Variants in EPB42 observed in about 807,000 individuals in gnomAD.
The protein encoded by EPB42 is protein 4.2.
A neutral mutation model predicts 76.9 loss-of-function variants in EPB42; 49 were observed. The ratio of observed to expected loss-of-function variants is 0.64; its 90% CI spans 0.51 to 0.81. The LOEUF (loss-of-function observed/expected upper bound fraction) is 0.81, where lower values mean the gene tolerates loss of function less well. Ranked by LOEUF, EPB42 falls within the 30% of genes least tolerant of loss-of-function variation. EPB42 has a pLI of 0.00. For synonymous variants in EPB42, 310 were observed against 338.4 expected (o/e 0.92, Z 0.92); for missense variants, 731 against 867.6 (o/e 0.84, Z 1.98).
intron 12 of EPB42, among the ~76,000 whole-genome samples, chr15:43,198,969 C>CCCA (rs1372431144): frequency 5.3e-5 from 8 of 152,352 alleles, no homozygotes; most frequent in African/African-American, 1.9e-4. Flanking sequence ...AAGTCAAGAA[C>CCCA]TGAGGTTTGG....
chr15:43,216,209 G>A (rs1207548449), intron 2 of EPB42, 59 bp downstream of exon 2: 1 of 1,597,416 alleles, frequency 6.3e-7, no homozygotes, highest in East Asian at 2.2e-5. Context: ...CAGGGTGCTG[G>A]AGAGAACAGA....
intron 11 of EPB42, 128 bp from the exon 12 acceptor site, chr15:43,202,105 G>C: frequency 1.6e-6 from 2 of 1,288,456 alleles, no homozygotes; most frequent in South Asian, 1.2e-5. Context: ...AAACTTCACA[G>C]CTGATGTCTT....
intron 12 of EPB42, among the ~76,000 whole-genome samples, chr15:43,200,976 G>A (rs1160078149): frequency 3.3e-5 from 5 of 152,064 alleles, no homozygotes; most frequent in South Asian, 2.1e-4. Context: ...CACTGTGCCC[G>A]GCTAATTTTT....
At position 43,211,470 on chromosome 15, in the gene EPB42, G is replaced by A. The variant is rs2042295138; in HGVS notation, c.495C>T (p.Leu165=). The A allele has an allele frequency of 6.2e-7, 1 of 1,614,038 alleles. No individual in the cohort carries two copies. The highest frequency in any genetic ancestry group is 1.1e-5 in the South Asian group (1 of 91,084). ...RMEYLLNQNG[L]IYLGTADCIQ... ...TGCAGTCAGCTGTACCCAGGTAGAT[G>A]AGACCATTCTGGTTCAACAAGTACT... Residue 165 remains leucine (L), a synonymous_variant, in exon 4 of 13, where the codon CTC becomes CTT. Coordinates refer to ENST00000441366, the MANE Select transcript of EPB42 (RefSeq NM_001114134.2).
intron 12 of EPB42, among the ~76,000 whole-genome samples, chr15:43,197,792 C>T (rs926573930): frequency 7.2e-5 from 11 of 152,018 alleles, no homozygotes; most frequent in Admixed American, 3.3e-4. Flanking sequence ...TGGCTGTGTC[C>T]CCACCCAAAT....
chr15:43,213,868 G>A (rs964018065), intron 3 of EPB42, among the ~76,000 whole-genome samples: 1 of 152,196 alleles, frequency 6.6e-6, no homozygotes, highest in African/African-American at 2.4e-5. Flanking sequence ...CGGGGAGAAC[G>A]CTGCCCTGGA....
intron 3 of EPB42, among the ~76,000 whole-genome samples, chr15:43,214,857 C>A (rs1466501105): frequency 6.6e-6 from 1 of 152,138 alleles, no homozygotes; most frequent in East Asian, 1.9e-4. Context: ...GTGAGACAAG[C>A]TTTTGCTTTC....
Position 43,208,240 on chromosome 15 carries a change from A to G in EPB42, c.1065T>C (p.Asn355=). 1.2e-6 allele frequency: 2 copies of G among 1,613,874 alleles called. No homozygotes were observed. Among genetic ancestry groups the G allele is most frequent in the Middle Eastern group, 1.7e-4 (1 of 6,040 alleles). The change falls in exon 8 of 13, where the codon AAT becomes AAC. Residue 355 remains asparagine, a synonymous_variant. Coordinates refer to ENST00000441366, the MANE Select transcript of EPB42 (RefSeq NM_001114134.2). Reference sequence around the variant, plus strand: ...ACCCCTAGGCTTTACCTCCACCTCCATTAGGAGCACTTGGGTGCAGAATCT... The same window carrying G: ...ACCCCTAGGCTTTACCTCCACCTCCGTTAGGAGCACTTGGGTGCAGAATCT... ...GWQILHPSAP[N]GGGVLGSCDL... is the part of the protein sequence containing the mutation.
At chr15:43,201,642 C>T (rs1015336826) in intron 12 of EPB42, among the ~76,000 whole-genome samples, 113 of 152,354 alleles carry the variant, frequency 7.4e-4, no homozygotes, top group African/African-American at 2.5e-3. Context: ...GGGGCCCGCA[C>T]AGCCTGCCTC....
chr15:43,224,010 T>C (rs2042486049), upstream of EPB42, among the ~76,000 whole-genome samples: 1 of 152,154 alleles, frequency 6.6e-6, no homozygotes, highest in African/African-American at 2.4e-5. Flanking sequence ...AATAAATAAT[T>C]GGTGCAGCCT....
chr15:43,223,012 A>G (rs1330779022), upstream of EPB42, among the ~76,000 whole-genome samples: 2 of 152,250 alleles, frequency 1.3e-5, no homozygotes, highest in Non-Finnish European at 2.9e-5. Flanking sequence ...AAATGGAAAT[A>G]TTCACAATGT....
At chr15:43,210,245 G>A in intron 5 of EPB42, 90 bp downstream of exon 5, 1 of 1,138,206 alleles carries the variant, frequency 8.8e-7, no homozygotes, top group Non-Finnish European at 1.3e-6. Flanking sequence ...TGTGATTTGG[G>A]GGTTTCTGAG....
In EPB42 at chr15:43,207,264, ATGT is replaced by A; in HGVS notation, c.1250_1252del (p.Asn417del). Reference sequence around the variant, plus strand: ...GTCACTGCCCACACCCTTGGTGCTGATGTTGTTGCCAACATACTTTGTGTTGGA... The same window carrying A: ...GTCACTGCCCACACCCTTGGTGCTGATGTTGCCAACATACTTTGTGTTGGA... On this transcript the variant is annotated inframe_deletion, in exon 9 of 13. Coordinates refer to ENST00000441366, the MANE Select transcript of EPB42 (RefSeq NM_001114134.2). 6.2e-7 allele frequency: 1 copy of A among 1,614,046 alleles called. No individual in the cohort carries two copies. The highest frequency in any genetic ancestry group is 2.2e-5 in the East Asian group (1 of 44,872).
At chr15:43,199,081 G>C (rs1003636728) in intron 12 of EPB42, among the ~76,000 whole-genome samples, 37 of 152,278 alleles carry the variant, frequency 2.4e-4, no homozygotes, top group African/African-American at 8.7e-4. Context: ...TGCTAGGGCA[G>C]TGCAGAAGGC....
intron 2 of EPB42, 127 bp downstream of exon 2, chr15:43,216,141 G>T: frequency 8.8e-7 from 1 of 1,137,036 alleles, no homozygotes; most frequent in Non-Finnish European, 1.3e-6. Context: ...CCTGCCAGGT[G>T]GGCAGGACTT....
At chr15:43,208,924 G>A in intron 6 of EPB42, 149 bp from the exon 7 acceptor site, 1 of 926,470 alleles carries the variant, frequency 1.1e-6, no homozygotes, top group Non-Finnish European at 1.6e-6. Context: ...CCAAGAACAG[G>A]ATGCATGAAG....
In EPB42 at chr15:43,197,376, CTTCCACAGTGAG is replaced by C. The variant is rs769760420; in HGVS notation, c.1990_2001del (p.Leu664_Glu667del). 1 of 1,614,206 alleles carries C rather than the reference CTTCCACAGTGAG, an allele frequency of 6.2e-7. No individual in the cohort carries two copies. The highest frequency in any genetic ancestry group is 8.5e-7 in the Non-Finnish European group (1 of 1,180,052). On this transcript the variant is annotated inframe_deletion, in exon 13 of 13. Coordinates refer to ENST00000441366, the MANE Select transcript of EPB42 (RefSeq NM_001114134.2). ...AGGTTCTGGAACATGTTGCAGTCCA[CTTCCACAGTGAG>C]TCTCTGGAGCCCCACATGTGTTGGC...
At chr15:43,204,955 G>T (rs2042177261) in intron 10 of EPB42, among the ~76,000 whole-genome samples, 1 of 93,728 alleles carries the variant, frequency 1.1e-5, no homozygotes, top group Non-Finnish European at 2.2e-5. Context: ...TCAGAAGGCT[G>T]CCCCCTCCGC....
chr15:43,203,485 C>T (rs1282631989), intron 10 of EPB42, among the ~76,000 whole-genome samples: 1 of 152,180 alleles, frequency 6.6e-6, no homozygotes, highest in Non-Finnish European at 1.5e-5. Flanking sequence ...CTTGGCAGAC[C>T]ACCTCAGTGG....
Sources: allele counts gnomAD v4.1 joint callset (sites outside exome capture counted in the v4.1 genomes callset), GRCh38; gene constraint gnomAD v4.1.1; transcripts MANE v1.5; gene names NCBI Gene and HGNC (gene_info 2026-07-23, HGNC 2026-07-21).